ERC2: variants seen among roughly 807,000 people sequenced by gnomAD.
ERC2 encodes the protein ELKS/RAB6-interacting/CAST family member 2.
In ERC2, 42 loss-of-function variants were observed where a neutral mutation model predicts 114.8. The observed-to-expected ratio is 0.37, with a 90% CI of 0.29 to 0.47. The LOEUF (loss-of-function observed/expected upper bound fraction) is 0.47, where lower values mean the gene tolerates loss of function less well. Ranked by LOEUF, ERC2 falls within the 20% of genes least tolerant of loss-of-function variation. ERC2 has a pLI of 0.99. For missense variants in ERC2, 939 were observed against 1,150.7 expected, an observed-to-expected ratio of 0.82 and a Z score of 2.66; for synonymous variants, 454 against 425.5, an observed-to-expected ratio of 1.07 and a Z score of -0.82.
At chr3:56,024,485 C>G (rs377629027) in intron 7 of ERC2, among the ~76,000 whole-genome samples, 193 of 152,312 alleles carry the variant, frequency 1.3e-3, no homozygotes, top group African/African-American at 4.5e-3. Flanking sequence ...CATGTTGCCC[C>G]ATGATCTTGA....
chr3:55,822,510 T>C (rs1374408969), intron 14 of ERC2, among the ~76,000 whole-genome samples: 1 of 152,172 alleles, frequency 6.6e-6, no homozygotes, highest in Non-Finnish European at 1.5e-5. Context: ...ATCCTCATCA[T>C]GGTTCTTATC....
chr3:56,031,612 C>G (rs1241631858), intron 7 of ERC2, among the ~76,000 whole-genome samples: 1 of 152,146 alleles, frequency 6.6e-6, no homozygotes, highest in Non-Finnish European at 1.5e-5. Flanking sequence ...AAACTTGATA[C>G]CACCCAATGA....
At position 55,900,695 on chromosome 3, in the gene ERC2, TTTTAAG is replaced by T. The variant is rs2064086555; in HGVS notation, c.2404-12152_2404-12147del. Among the ~76,000 whole-genome samples, 4 of 152,192 alleles carry T rather than the reference TTTTAAG, an allele frequency of 2.6e-5. 1 individual carries two copies. In the South Asian group the frequency reaches 8.3e-4, roughly 32 times the overall value. On this transcript the variant is annotated intron_variant, in intron 13 of 17. Transcript: ENST00000288221. ...GGCTTCCCTATATGTCACCTTGCTC[TTTTAAG>T]CACACAGAGTCCAAAGCACCCTTGC...
chr3:55,927,923 G>A (rs577962367), intron 13 of ERC2, among the ~76,000 whole-genome samples: 24 of 152,240 alleles, frequency 1.6e-4, no homozygotes, highest in Non-Finnish European at 2.5e-4. Flanking sequence ...CCATGTTGTT[G>A]CAAATGACAG....
intron 3 of ERC2, among the ~76,000 whole-genome samples, chr3:56,225,473 G>A (rs866547562): frequency 3.9e-5 from 6 of 152,128 alleles, no homozygotes; most frequent in Admixed American, 6.5e-5. Flanking sequence ...GCTAAAATAA[G>A]TGACTGCTTC....
At chr3:56,290,540 T>C (rs1390229504) in intron 3 of ERC2, among the ~76,000 whole-genome samples, 2 of 152,196 alleles carry the variant, frequency 1.3e-5, no homozygotes, top group East Asian at 3.8e-4. Flanking sequence ...ATGTATTGAA[T>C]CTGTAGAGAC....
intron 3 of ERC2, among the ~76,000 whole-genome samples, chr3:56,182,017 T>TGG (rs2083316541): frequency 1.3e-5 from 2 of 152,184 alleles, no homozygotes; most frequent in Non-Finnish European, 1.5e-5. Context: ...AACTCCCAAA[T>TGG]TCCTGACCTA....
At chr3:56,034,675 A>G (rs1013958618) in intron 7 of ERC2, among the ~76,000 whole-genome samples, 6 of 152,188 alleles carry the variant, frequency 3.9e-5, no homozygotes, top group African/African-American at 1.4e-4. Flanking sequence ...TCAATAATGG[A>G]GGAAAACTGG....
At chr3:56,113,305 T>C (rs575306707) in intron 6 of ERC2, among the ~76,000 whole-genome samples, 44 of 152,296 alleles carry the variant, frequency 2.9e-4, no homozygotes, top group Admixed American at 4.6e-4. Context: ...AAATTAGTCA[T>C]GTGAATAGTA....
intron 4 of ERC2, among the ~76,000 whole-genome samples, chr3:56,150,767 T>G (rs1002752657): frequency 1.3e-5 from 2 of 152,198 alleles, no homozygotes; most frequent in African/African-American, 4.8e-5. Flanking sequence ...ACTACCAGTT[T>G]AAATTCTGAA....
chr3:55,685,001 C>T (rs1349601206), intron 16 of ERC2, among the ~76,000 whole-genome samples: 2 of 152,156 alleles, frequency 1.3e-5, no homozygotes, highest in Non-Finnish European at 2.9e-5. Context: ...TATGAAAATG[C>T]CAATATTTGG....
intron 14 of ERC2, among the ~76,000 whole-genome samples, chr3:55,749,373 T>C (rs1424117409): frequency 6.6e-6 from 1 of 152,184 alleles, no homozygotes; most frequent in Admixed American, 6.5e-5. Flanking sequence ...CTTCAAGGCA[T>C]GGGACATAAG....
At chr3:56,144,013 C>A (rs1307649438) in intron 5 of ERC2, among the ~76,000 whole-genome samples, 1 of 152,182 alleles carries the variant, frequency 6.6e-6, no homozygotes, top group Admixed American at 6.5e-5. Context: ...AGGGAACAAA[C>A]AAGCTTCATC....
intron 17 of ERC2, among the ~76,000 whole-genome samples, chr3:55,539,119 G>A (rs1418755271): frequency 1.3e-5 from 2 of 152,258 alleles, no homozygotes; most frequent in African/African-American, 4.8e-5. Flanking sequence ...GAAAAACCTG[G>A]AAGTGGGTCC....
At chr3:56,097,893 A>G (rs1425009000) in intron 6 of ERC2, among the ~76,000 whole-genome samples, 1 of 152,198 alleles carries the variant, frequency 6.6e-6, no homozygotes. Context: ...AGTGCATTCT[A>G]AGAGGGAGAT....
intron 12 of ERC2, among the ~76,000 whole-genome samples, chr3:55,980,599 CTA>C (rs2149502294): frequency 6.6e-6 from 1 of 152,246 alleles, no homozygotes; most frequent in Non-Finnish European, 1.5e-5. Context: ...TACTAAGAAA[CTA>C]TTTTTTTAAA....
chr3:56,303,793 C>T (rs901139460), intron 2 of ERC2, among the ~76,000 whole-genome samples: 1 of 152,158 alleles, frequency 6.6e-6, no homozygotes, highest in Non-Finnish European at 1.5e-5. Context: ...GTCCTAAGTG[C>T]CCCCTGGCGC....
chr3:56,161,243 A>G (rs1220376375), intron 4 of ERC2, among the ~76,000 whole-genome samples: 3 of 152,194 alleles, frequency 2.0e-5, no homozygotes, highest in African/African-American at 7.2e-5. Flanking sequence ...CAAGAAGCTG[A>G]GCAGTTGTTG....
At chr3:55,703,622 T>G (rs1398207570) in intron 15 of ERC2, among the ~76,000 whole-genome samples, 1 of 152,190 alleles carries the variant, frequency 6.6e-6, no homozygotes, top group Non-Finnish European at 1.5e-5. Flanking sequence ...CCTTGCACTC[T>G]CCATCTAGTG....
Sources: gnomAD v4.1 joint callset for allele counts (sites outside exome capture counted in the v4.1 genomes callset) on GRCh38, gnomAD v4.1.1 for gene constraint, MANE v1.5 for transcripts, NCBI Gene and HGNC (gene_info 2026-07-23, HGNC 2026-07-21) for gene names.